The following TRPV1 variants were observed in gnomAD, a reference collection of about 807,000 sequenced individuals.
The protein encoded by TRPV1 is OTRPC1.
A neutral mutation model predicts 82.3 loss-of-function variants in TRPV1; 82 were observed. The observed-to-expected ratio is 1.00, with a 90% CI of 0.83 to 1.20. The LOEUF (loss-of-function observed/expected upper bound fraction) is 1.20, where lower values mean the gene tolerates loss of function less well. Among genes scored for constraint, TRPV1 ranks in the 50% most tolerant of loss-of-function variants. The pLI, the probability that TRPV1 is intolerant of heterozygous loss-of-function variation, is 0.00. For synonymous variants in TRPV1, 515 were observed against 467.7 expected (o/e 1.10, Z -1.30); for missense variants, 1,067 against 1,096.8 (o/e 0.97, Z 0.38).
Position 3,588,295 on chromosome 17 carries a change from A to T in TRPV1, c.1117T>A (p.Trp373Arg). ...CRHLSRKFTEWAYGPVHSSLY... is the reference protein window; with the variant it reads ...CRHLSRKFTERAYGPVHSSLY... ...GAGGAGTGCACGGGCCCGTAGGCCC[A>T]CTCGGTGAACTTCCTGGACAGGTGC... is the stretch of plus-strand genomic sequence containing the variant. Residue 373 changes from tryptophan (W) to arginine (R), a missense_variant, in exon 8 of 17, where the codon TGG becomes AGG. Physicochemically the swap from Trp to Arg is moderately radical, Grantham distance 101 (BLOSUM62 -3). Transcript: ENST00000572705. 6.4e-7 allele frequency: 1 copy of T among 1,574,436 alleles called. No individual in the cohort carries two copies. Among genetic ancestry groups the T allele is most frequent in the Non-Finnish European group, 8.6e-7 (1 of 1,160,508 alleles).
intron 2 of TRPV1, among the ~76,000 whole-genome samples, chr17:3,606,664 C>T (rs1234638109): frequency 1.3e-5 from 2 of 152,152 alleles, no homozygotes; most frequent in Admixed American, 6.5e-5. Context: ...CTGCACTCAT[C>T]CCCCACCTAG....
chr17:3,577,537 T>A (rs1414202786), intron 12 of TRPV1, 61 bp downstream of exon 12: 16 of 1,530,154 alleles, frequency 1.0e-5, no homozygotes, highest in Non-Finnish European at 1.2e-5. Flanking sequence ...CTTGGCCCCA[T>A]CTCACATGAC....
intron 11 of TRPV1, chr17:3,578,307 CAAATAAAT>C (rs771525410): frequency 3.1e-5 from 4 of 131,012 alleles, no homozygotes; most frequent in Middle Eastern, 3.7e-3. Flanking sequence ...GACTCCGTCT[CAAATAAAT>C]AAATAAACAA....
intron 5 of TRPV1, 119 bp from the exon 6 acceptor site, chr17:3,590,511 G>A (rs1025840208): frequency 2.1e-6 from 3 of 1,443,174 alleles, no homozygotes; most frequent in African/African-American, 2.8e-5. Context: ...GGCAGAAAGT[G>A]CCTGGAGGAC....
At chr17:3,567,369 C>CAAAAAAAA (rs56391405) in intron 16 of TRPV1, among the ~76,000 whole-genome samples, 11 of 52,780 alleles carry the variant, frequency 2.1e-4, no homozygotes, top group Non-Finnish European at 2.8e-4. Flanking sequence ...AACTCCGTCT[C>CAAAAAAAA]AAAAAAAAAA....
rs180816588 is a variant in TRPV1 at position 3,574,538 on chromosome 17, T to A, written c.1781-583A>T. ...GGTCTCTCTTAGTCACAGGTGCCCA[T>A]CCCTCCCAGCCAGGGATTCCAACGC... On this transcript the variant is annotated intron_variant, in intron 13 of 16. Transcript: ENST00000572705. 7.0e-4 allele frequency among the ~76,000 whole-genome samples: 106 copies of A among 152,106 alleles called. 2 individuals are homozygous for A. The Middle Eastern group carries it at 0.02, about 29-fold the overall frequency.
intron 2 of TRPV1, among the ~76,000 whole-genome samples, chr17:3,598,504 G>C (rs1225868301): frequency 6.6e-6 from 1 of 151,622 alleles, no homozygotes; most frequent in Non-Finnish European, 1.5e-5. Flanking sequence ...CGTTGGTCTA[G>C]GCATAAAAGC....
At position 3,573,633 on chromosome 17, in the gene TRPV1, CT is replaced by C; in HGVS notation, c.2102del (p.Gln701ArgfsTer17). On this transcript the variant is annotated frameshift_variant and splice_region_variant, in exon 14 of 17. Transcript: ENST00000572705. LOFTEE classifies it high-confidence loss of function. ...CCACCCCCCAACTCCACCCACCCAC[CT>C]GCAGCTTCCAGATGTTCTTGCTCTC... Reference protein sequence around the residue: ...AQESKNIWKLQRAITILDTEK... With the variant: ...AQESKNIWKLXRAITILDTEK... 1 of 1,611,676 alleles carries C rather than the reference CT, an allele frequency of 6.2e-7. No homozygotes were observed. The highest frequency in any genetic ancestry group is 1.1e-5 in the South Asian group (1 of 90,764).
At chr17:3,574,043 C>G in intron 13 of TRPV1, 88 bp from the exon 14 acceptor site, 1 of 1,169,776 alleles carries the variant, frequency 8.5e-7, no homozygotes, top group Non-Finnish European at 1.2e-6. Flanking sequence ...CAGTCAGTCT[C>G]AAATAACTTT....
intron 2 of TRPV1, among the ~76,000 whole-genome samples, chr17:3,600,293 A>G (rs2075251140): frequency 6.6e-6 from 1 of 152,148 alleles, no homozygotes. Context: ...TGCCTCCAAT[A>G]AAGACAGCAC....
At chr17:3,567,658 T>C (rs2074786554) in intron 16 of TRPV1, among the ~76,000 whole-genome samples, 3 of 151,554 alleles carry the variant, frequency 2.0e-5, no homozygotes, top group Admixed American at 2.0e-4. Flanking sequence ...CCGAGGCCTG[T>C]CCTGTGAGTG....
intron 7 of TRPV1, chr17:3,588,857 G>A: frequency 2.1e-6 from 3 of 1,400,312 alleles, no homozygotes; most frequent in Non-Finnish European, 2.9e-6. Context: ...CAACCAGCCA[G>A]CTGCCTCAGA....
In TRPV1 at chr17:3,577,649, G is replaced by A. The variant is rs778444821; in HGVS notation, c.1662C>T (p.Tyr554=). Residue 554 remains tyrosine (Y), a synonymous_variant, in exon 12 of 17, where the codon TAC becomes TAT. Transcript: ENST00000572705. ...SLALGWTNML[Y]YTRGFQQMGI... is the part of the protein sequence containing the mutation. ...CCATCTGCTGGAAACCGCGGGTGTA[G>A]TAGAGCATGTTGGTCCAGCCCAAGG... 4 of 1,586,068 alleles carry A rather than the reference G, an allele frequency of 2.5e-6. No homozygotes were observed. Among genetic ancestry groups the A allele is most frequent in the East Asian group, 4.6e-5 (2 of 43,414 alleles).
chr17:3,571,143 C>T lies in TRPV1; in HGVS notation c.2347+381G>A, dbSNP rs372624485. Among the ~76,000 whole-genome samples the T allele has an allele frequency of 2.5e-4, 38 of 152,344 alleles. No homozygotes were observed. In the East Asian group the frequency reaches 2.9e-3, roughly 12 times the overall value. Reference sequence around the variant, plus strand: ...GCCTGTTTGTGTCCGCACAGCCTCTCAGAGCTAGGACGTCGCATGCACACG... The same window carrying T: ...GCCTGTTTGTGTCCGCACAGCCTCTTAGAGCTAGGACGTCGCATGCACACG... On this transcript the variant is annotated intron_variant, in intron 16 of 16. Coordinates refer to ENST00000572705, the MANE Select transcript of TRPV1 (RefSeq NM_080704.4).
intron 5 of TRPV1, 70 bp from the exon 6 acceptor site, chr17:3,590,462 A>G: frequency 6.3e-7 from 1 of 1,584,288 alleles, no homozygotes. Flanking sequence ...GTGCTGGGGA[A>G]GGGCTCTGGG....
At chr17:3,602,885 G>C (rs149476111) in intron 2 of TRPV1, among the ~76,000 whole-genome samples, 1 of 152,226 alleles carries the variant, frequency 6.6e-6, no homozygotes, top group Non-Finnish European at 1.5e-5. Context: ...ACTTTGGGAG[G>C]CCGAGGCGGG....
At chr17:3,592,404 G>T in intron 2 of TRPV1, 21 bp from the exon 3 acceptor site, 5 of 1,525,728 alleles carry the variant, frequency 3.3e-6, no homozygotes, top group Non-Finnish European at 4.4e-6. Context: ...CACCACGCCG[G>T]GGTTGACTCC....
rs201445706 is a variant in TRPV1, at chr17:3,577,097, C to T, written c.1780+29G>A. 19 of 1,565,786 alleles carry T rather than the reference C, an allele frequency of 1.2e-5. 1 individual carries two copies. The Admixed American group carries it at 1.5e-4, about 13-fold the overall frequency. On this transcript the variant is annotated intron_variant, in intron 13 of 16. Transcript: ENST00000572705. Reference sequence around the variant, plus strand: ...AGGCTCAGCCAAGCAGGACCCCTGCCCTCCCCCAGCGCTGACCAAGCTCAT... The same window carrying T: ...AGGCTCAGCCAAGCAGGACCCCTGCTCTCCCCCAGCGCTGACCAAGCTCAT...
Position 3,577,121 on chromosome 17 carries a change from A to G in TRPV1, c.1780+5T>C. 6.3e-7 allele frequency: 1 copy of G among 1,581,570 alleles called. No individual in the cohort carries two copies. Among genetic ancestry groups the G allele is most frequent in the Non-Finnish European group, 8.6e-7 (1 of 1,164,162 alleles). On this transcript the variant is annotated splice_donor_5th_base_variant and intron_variant, in intron 13 of 16. Transcript: ENST00000572705. ...CCCTCCCCCAGCGCTGACCAAGCTC[A>G]TTACCTGTGGAAAACCCGAACAAGA...
Sources: gnomAD v4.1 joint callset for allele counts (sites outside exome capture counted in the v4.1 genomes callset) on GRCh38, gnomAD v4.1.1 for gene constraint, MANE v1.5 for transcripts, NCBI Gene and HGNC (gene_info 2026-07-23, HGNC 2026-07-21) for gene names.